SEC31B: variants seen among roughly 807,000 people sequenced by gnomAD.
SEC31B encodes protein transport protein Sec31B.
In SEC31B, 113 loss-of-function variants were observed where a neutral mutation model predicts 135.0. The observed-to-expected ratio is 0.84, with a 90% CI of 0.72 to 0.98. SEC31B has a LOEUF of 0.98. Among genes scored for constraint, SEC31B ranks in the 50% least tolerant of loss-of-function variants. SEC31B has a pLI of 0.00. For synonymous variants in SEC31B, 508 were observed against 549.4 expected, an observed-to-expected ratio of 0.92 and a Z score of 1.05; for missense variants, 1,296 against 1,421.1, an observed-to-expected ratio of 0.91 and a Z score of 1.42.
intron 11 of SEC31B, among the ~76,000 whole-genome samples, chr10:100,500,690 C>T (rs1403768105): frequency 6.6e-6 from 1 of 152,180 alleles, no homozygotes; most frequent in Non-Finnish European, 1.5e-5. Context: ...GTCAGCTTCC[C>T]ACTCAATGTC....
chr10:100,502,137 G>A (rs1851535415), intron 11 of SEC31B, 117 bp downstream of exon 11: 3 of 766,842 alleles, frequency 3.9e-6, no homozygotes, highest in Non-Finnish European at 6.6e-6. Context: ...ACTAATGGGA[G>A]TTAAGGCCTC....
At chr10:100,515,469 G>A (rs1281226339) in intron 3 of SEC31B, among the ~76,000 whole-genome samples, 1 of 152,206 alleles carries the variant, frequency 6.6e-6, no homozygotes, top group African/African-American at 2.4e-5. Flanking sequence ...TGGAAAGAAG[G>A]TAGGCTTTGG....
chr10:100,489,222 C>A (rs1346597322), intron 23 of SEC31B, 30 bp downstream of exon 23: 5 of 1,577,428 alleles, frequency 3.2e-6, no homozygotes, highest in East Asian at 2.3e-5. Context: ...GAAGGTTTCC[C>A]AAGGGAGGGG....
rs138105588 is a variant in SEC31B, at chr10:100,498,070, G to A, written c.1822C>T (p.Gln608Ter). The A allele has an allele frequency of 1.2e-6, 2 of 1,614,052 alleles. No individual in the cohort carries two copies. Among genetic ancestry groups the A allele is most frequent in the Non-Finnish European group, 1.7e-6 (2 of 1,180,040 alleles). Reference sequence around the variant, plus strand: ...TTCTTCTTGGCCAAGTAGCGCTCCTGTGTTTGCTTCAGCAGATCTGTACCC... The same window carrying A: ...TTCTTCTTGGCCAAGTAGCGCTCCTATGTTTGCTTCAGCAGATCTGTACCC... ...AGGTDLLKQT[Q>*]ERYLAKKKTK... Residue 608 changes from glutamine (Q) to a stop codon, truncating the protein, a stop_gained, in exon 15 of 26, where the codon CAG becomes TAG. Transcript: ENST00000370345. LOFTEE classifies it high-confidence loss of function.
chr10:100,507,520 T>TA lies in SEC31B; in HGVS notation c.686dup (p.Leu229PhefsTer8), dbSNP rs758050109. On this transcript the variant is annotated frameshift_variant, in exon 7 of 26. Transcript: ENST00000370345. LOFTEE classifies it high-confidence loss of function. Reference sequence around the variant, plus strand: ...GTCGATCATCCTCTGAGCACAGCACTAACTGGGTGGCTATGTCAGGATGCC... The same window carrying TA: ...GTCGATCATCCTCTGAGCACAGCACTAAACTGGGTGGCTATGTCAGGATGCC... 9.9e-6 allele frequency: 16 copies of TA among 1,614,088 alleles called. No individual in the cohort carries two copies. The East Asian group carries it at 3.3e-4, about 34-fold the overall frequency.
chr10:100,505,421 C>G lies in SEC31B; in HGVS notation c.1119G>C (p.Leu373=). ...TGGGGGGTTTTTTCAGGGGAGGTATCAGTGGTGCTTGTGCCACTTGCTCTG... is the reference window on the plus strand; with the variant it reads ...TGGGGGGTTTTTTCAGGGGAGGTATGAGTGGTGCTTGTGCCACTTGCTCTG... The part of the protein sequence containing the change: ...QVPEQVAQAP[L]IPPLKKPPKW... Residue 373 remains leucine, a synonymous_variant, in exon 10 of 26, where the codon CTG becomes CTC. Coordinates refer to ENST00000370345, the MANE Select transcript of SEC31B (RefSeq NM_015490.4). The G allele has an allele frequency of 6.2e-7, 1 of 1,607,032 alleles. No individual in the cohort carries two copies. The highest frequency in any genetic ancestry group is 2.2e-5 in the East Asian group (1 of 44,660).
At chr10:100,489,903 C>G in intron 21 of SEC31B, 105 bp downstream of exon 21, 1 of 1,538,266 alleles carries the variant, frequency 6.5e-7, no homozygotes, top group Non-Finnish European at 8.7e-7. Context: ...CCACCCTCCA[C>G]CCAACAGGGC....
intron 14 of SEC31B, 48 bp from the exon 15 acceptor site, chr10:100,498,255 C>T (rs772001225): frequency 4.4e-6 from 7 of 1,594,624 alleles, no homozygotes; most frequent in Non-Finnish European, 6.0e-6. Context: ...CAAACCCCAA[C>T]TTCCTGCCCC....
rs1260523004 is a variant in SEC31B, at chr10:100,499,527, CTT to C, written c.1480_1481del (p.Lys494GlufsTer9). 2 of 1,606,850 alleles carry C rather than the reference CTT, an allele frequency of 1.2e-6. No individual in the cohort carries two copies. The highest frequency in any genetic ancestry group is 2.2e-5 in the South Asian group (2 of 89,326). On this transcript the variant is annotated frameshift_variant, in exon 12 of 26. Transcript: ENST00000370345. LOFTEE classifies it high-confidence loss of function. ...TCTGATGTGAAAAGCAGCTTACCTT[CTT>C]CTGAAGCTCATCTTTACTGTATCCT... ...LLGYSKDELQ[K>X]KVATWLKSDV...
Position 100,486,871 on chromosome 10 carries a change from G to A in SEC31B, c.*745C>T, listed in dbSNP as rs1289974575. ...CACAGAAGGAATGGCCTTGGGCTAA[G>A]GCTCCAACATAGGTGGAGTCAAGGG... On this transcript the variant is annotated 3_prime_UTR_variant, in exon 26 of 26. Transcript: ENST00000370345. 1 of 152,236 alleles carries A rather than the reference G, an allele frequency of 6.6e-6. No homozygotes were observed. Among genetic ancestry groups the A allele is most frequent in the Non-Finnish European group, 1.5e-5 (1 of 68,084 alleles). The allele number at this position is 152,236 out of a possible 1,614,324, so 9.4% of individuals were successfully genotyped here. A position where few individuals can be genotyped will look rare whatever the true frequency, so the allele number is the denominator to read the frequency against.
intron 3 of SEC31B, 141 bp downstream of exon 3, chr10:100,515,955 G>T: frequency 8.9e-6 from 9 of 1,007,488 alleles, no homozygotes; most frequent in Non-Finnish European, 1.0e-5. Flanking sequence ...TGCAAAATAA[G>T]CCCAGAATTA....
In SEC31B at chr10:100,490,189, G is replaced by T. The variant is rs115190774; in HGVS notation, c.2784C>A (p.Thr928=). ...ACPGIMRPGS[T]SLPETPRLFP... ...ACAGTCTAGGAGTCTCAGGCAGGGAGGTAGAGCCAGGTCGCATGATGCCTG... is the reference window on the plus strand; with the variant it reads ...ACAGTCTAGGAGTCTCAGGCAGGGATGTAGAGCCAGGTCGCATGATGCCTG... The change falls in exon 21 of 26, where the codon ACC becomes ACA. Residue 928 remains threonine, a synonymous_variant. Transcript: ENST00000370345. The T allele has an allele frequency of 3.3e-4, 525 of 1,609,132 alleles. 2 individuals carry two copies. In the African/African-American group the frequency reaches 6.5e-3, roughly 20 times the overall value.
chr10:100,494,241 A>G (rs1023784583), intron 19 of SEC31B, among the ~76,000 whole-genome samples: 14 of 151,840 alleles, frequency 9.2e-5, no homozygotes, highest in Non-Finnish European at 1.9e-4. Context: ...CCACACACAC[A>G]CCTCTCCAAA....
In SEC31B at chr10:100,489,281, G is replaced by A; in HGVS notation, c.3142C>T (p.Pro1048Ser). 1 of 1,611,508 alleles carries A rather than the reference G, an allele frequency of 6.2e-7. No individual in the cohort carries two copies. The highest frequency in any genetic ancestry group is 8.5e-7 in the Non-Finnish European group (1 of 1,179,178). ...PPVSSVSHAP[P>S]GVPGELSLQL... The stretch of plus-strand genomic sequence containing the variant: ...AGGCTGAGTTCTCCTGGAACTCCTG[G>A]GGGAGCATGACTCACACTGGAGACA... The change falls in exon 23 of 26, where the codon CCA becomes TCA. Residue 1048 changes from proline to serine, a missense_variant. Coordinates refer to ENST00000370345, the MANE Select transcript of SEC31B (RefSeq NM_015490.4).
Position 100,503,022 on chromosome 10 carries a change from GA to G in SEC31B, c.1180-539del, listed in dbSNP as rs373509935. ...CCTGTGTGGTTTCACAAGGCCACAGGAAAGAGCTTAAGCTCCCCTTCCTGCA... is the reference window on the plus strand; with the variant it reads ...CCTGTGTGGTTTCACAAGGCCACAGGAAGAGCTTAAGCTCCCCTTCCTGCA... On this transcript the variant is annotated intron_variant, in intron 10 of 25. Transcript: ENST00000370345. 1.9e-4 allele frequency among the ~76,000 whole-genome samples: 29 copies of G among 152,204 alleles called. No individual in the cohort carries two copies. The East Asian group carries it at 5.2e-3, about 27-fold the overall frequency.
At chr10:100,507,702 G>C in intron 6 of SEC31B, 135 bp from the exon 7 acceptor site, 1 of 1,326,956 alleles carries the variant, frequency 7.5e-7, no homozygotes, top group South Asian at 1.3e-5. Context: ...TGATGGCCAG[G>C]AATAAGTAAG....
intron 4 of SEC31B, 57 bp from the exon 5 acceptor site, chr10:100,509,159 A>G: frequency 6.3e-7 from 1 of 1,581,478 alleles, no homozygotes; most frequent in Non-Finnish European, 8.7e-7. Flanking sequence ...CAGAGCAAGA[A>G]AGGAGGAAAG....
At chr10:100,499,644 A>G (rs1851479414) in intron 11 of SEC31B, 46 bp from the exon 12 acceptor site, 1 of 1,375,838 alleles carries the variant, frequency 7.3e-7, no homozygotes, top group African/African-American at 1.5e-5. Context: ...AATGAACATA[A>G]ATGACGCTCT....
chr10:100,516,495 A>G (rs1851849165), intron 2 of SEC31B, among the ~76,000 whole-genome samples: 1 of 151,844 alleles, frequency 6.6e-6, no homozygotes, highest in Admixed American at 6.6e-5. Context: ...AAACTACAAA[A>G]AAAATTAGCC....
Sources: gnomAD v4.1 joint callset for allele counts (sites outside exome capture counted in the v4.1 genomes callset) on GRCh38, gnomAD v4.1.1 for gene constraint, MANE v1.5 for transcripts, NCBI Gene and HGNC (gene_info 2026-07-23, HGNC 2026-07-21) for gene names.